Variants in IGDCC3 observed in about 807,000 individuals in gnomAD.
The protein encoded by IGDCC3 is immunoglobulin superfamily DCC subclass member 3, also known as putative neuronal cell adhesion molecule.
IGDCC3 carries 47 observed loss-of-function variants against 72.0 expected under a neutral mutation model. That is an observed-to-expected ratio of 0.65 (90% CI 0.52 to 0.83). The LOEUF is 0.83. Among genes scored for constraint, IGDCC3 ranks in the 40% least tolerant of loss-of-function variants. The pLI, the probability that IGDCC3 is intolerant of heterozygous loss-of-function variation, is 0.00. For synonymous variants in IGDCC3, 477 were observed against 472.8 expected (o/e 1.01, Z -0.11); for missense variants, 1,038 against 1,091.3 (o/e 0.95, Z 0.69).
chr15:65,369,458 GTGTC>G (rs972671267), intron 2 of IGDCC3, among the ~76,000 whole-genome samples: 10 of 152,306 alleles, frequency 6.6e-5, no homozygotes, highest in African/African-American at 2.2e-4. Flanking sequence ...GCAGGTTAAA[GTGTC>G]TGAACCCCAT....
At chr15:65,366,569 G>C (rs2091289077) in intron 2 of IGDCC3, among the ~76,000 whole-genome samples, 1 of 152,186 alleles carries the variant, frequency 6.6e-6, no homozygotes, top group Non-Finnish European at 1.5e-5. Context: ...AAAGACCAAG[G>C]AGCATGGACA....
At position 65,377,653 on chromosome 15, in the gene IGDCC3, C is replaced by T; in HGVS notation, c.103+33G>A. The T allele has an allele frequency of 7.0e-7, 1 of 1,426,736 alleles. No individual in the cohort carries two copies. Among genetic ancestry groups the T allele is most frequent in the Non-Finnish European group, 9.1e-7 (1 of 1,095,586 alleles). 88.4% of individuals were successfully genotyped at this position (1,426,736 alleles called of 1,614,324 possible). The stretch of plus-strand genomic sequence containing the variant: ...TGCTCGCCCTTCCCCTGGCTCCGTC[C>T]GCAACCGCCCGGTCCGGGGCGCTTT... On this transcript the variant is annotated intron_variant, in intron 1 of 13. Transcript: ENST00000327987. This position sits in a 1 kb window ranked among gnomAD's most constrained non-coding sequence, Gnocchi z 4.9.
chr15:65,329,163 C>G lies in IGDCC3; in HGVS notation c.2206-15G>C. Reference sequence around the variant, plus strand: ...GCAGGATCCTGCTGGGGAAAGAGCCCGTCACACAGGCGTCAGCTTGAGGGC... The same window carrying G: ...GCAGGATCCTGCTGGGGAAAGAGCCGGTCACACAGGCGTCAGCTTGAGGGC... On this transcript the variant is annotated splice_polypyrimidine_tract_variant and intron_variant, in intron 13 of 13. Coordinates refer to ENST00000327987, the MANE Select transcript of IGDCC3 (RefSeq NM_004884.4). This position sits in a 1 kb window ranked among gnomAD's most constrained non-coding sequence, Gnocchi z 4.1. 6.3e-7 allele frequency: 1 copy of G among 1,596,752 alleles called. No individual in the cohort carries two copies.
chr15:65,362,692 G>A (rs902002303), intron 2 of IGDCC3, among the ~76,000 whole-genome samples: 1 of 152,104 alleles, frequency 6.6e-6, no homozygotes, highest in Non-Finnish European at 1.5e-5. Context: ...CTGAGGCTCA[G>A]CAGTGTTCAG....
At chr15:65,352,626 G>C (rs1051440984) in intron 2 of IGDCC3, among the ~76,000 whole-genome samples, 1 of 152,176 alleles carries the variant, frequency 6.6e-6, no homozygotes, top group Non-Finnish European at 1.5e-5. Flanking sequence ...AGGTATTTGA[G>C]GGTACAAGCC....
intron 2 of IGDCC3, among the ~76,000 whole-genome samples, chr15:65,354,846 C>A (rs2091202648): frequency 1.3e-5 from 2 of 152,174 alleles, no homozygotes; most frequent in African/African-American, 2.4e-5. Flanking sequence ...TTAGGCTAGG[C>A]CCCTGGCTCT....
chr15:65,333,402 G>C lies in IGDCC3; in HGVS notation c.837C>G (p.Ile279Met), dbSNP rs141417417. The C allele has an allele frequency of 6.2e-6, 10 of 1,604,186 alleles. No individual in the cohort carries two copies. In the East Asian group the frequency reaches 2.3e-4, roughly 36 times the overall value. ...CCAGCACCTGGATGCCCTCCACCCC[G>C]ATAGGGCGACCATCTGCAGAGGAAG... ...VSWSRLDGRP[I>M]GVEGIQVLGT... Residue 279 changes from isoleucine (I) to methionine (M), a missense_variant, in exon 6 of 14, where the codon ATC becomes ATG. Transcript: ENST00000327987.
In IGDCC3 at chr15:65,329,878, C is replaced by A. The variant is rs746427014; in HGVS notation, c.1859-14G>T. ...GTGGGCTCAAGGCTGGGGACAGGGA[C>A]GGGTTGGAGGCTTTGGCTCTCCAGG... On this transcript the variant is annotated splice_polypyrimidine_tract_variant and intron_variant, in intron 11 of 13. Coordinates refer to ENST00000327987, the MANE Select transcript of IGDCC3 (RefSeq NM_004884.4). This position sits in a 1 kb window ranked among gnomAD's most constrained non-coding sequence, Gnocchi z 4.1. 1.9e-6 allele frequency: 3 copies of A among 1,613,708 alleles called. No individual in the cohort carries two copies. Among genetic ancestry groups the A allele is most frequent in the African/African-American group, 2.7e-5 (2 of 75,014 alleles).
intron 2 of IGDCC3, among the ~76,000 whole-genome samples, chr15:65,348,355 T>C (rs556184455): frequency 5.9e-5 from 9 of 152,350 alleles, no homozygotes; most frequent in Non-Finnish European, 1.0e-4. Flanking sequence ...GGGGTCTGAA[T>C]TGGGACCTCT....
Position 65,331,963 on chromosome 15 carries a change from C to A in IGDCC3, c.1126G>T (p.Val376Phe). ...TACCTGTTGTTATTCTTGAGCCTGA[C>A]GTGGCCTCCTGGCCCCAGCACCTGT... is the stretch of plus-strand genomic sequence containing the variant. Reference protein sequence around the residue: ...NGQVLGPGGHVRLKNNNSTLT... With the variant: ...NGQVLGPGGHFRLKNNNSTLT... The change falls in exon 7 of 14, where the codon GTC becomes TTC. Residue 376 changes from valine (V) to phenylalanine (F), a missense_variant. By Grantham distance (50) the Val-to-Phe change is conservative (BLOSUM62 -1). Transcript: ENST00000327987. The A allele has an allele frequency of 6.2e-7, 1 of 1,613,952 alleles. No homozygotes were observed. The highest frequency in any genetic ancestry group is 1.1e-5 in the South Asian group (1 of 91,076).
chr15:65,328,806 G>T lies in IGDCC3; in HGVS notation c.*103C>A. On this transcript the variant is annotated 3_prime_UTR_variant, in exon 14 of 14. Transcript: ENST00000327987. ...AGGCAGTCAGGATAGAAATGCTGGG[G>T]AGCCCCCAGGACCATCCAAATCCCA... The T allele has an allele frequency of 7.4e-7, 1 of 1,357,844 alleles. No individual in the cohort carries two copies. The highest frequency in any genetic ancestry group is 9.7e-7 in the Non-Finnish European group (1 of 1,032,102). 84.1% of individuals were successfully genotyped at this position (1,357,844 alleles called of 1,614,324 possible).
chr15:65,350,897 T>TA (rs1341497065), intron 2 of IGDCC3, among the ~76,000 whole-genome samples: 1 of 152,236 alleles, frequency 6.6e-6, no homozygotes, highest in Non-Finnish European at 1.5e-5. Context: ...TTATAACATG[T>TA]AATTGAAACT....
chr15:65,347,757 CCT>C (rs1217417992), intron 2 of IGDCC3, among the ~76,000 whole-genome samples: 1 of 152,212 alleles, frequency 6.6e-6, no homozygotes, highest in East Asian at 1.9e-4. Context: ...ATGGCGAAAC[CCT>C]GTCCTTACTA....
Position 65,334,883 on chromosome 15 carries a change from C to T in IGDCC3, c.686-18G>A. ...GCCCGAGCCTGGGAGGAAGACGCCA[C>T]ATATCCTCACTTCAGCTGGGGACTT... is the stretch of plus-strand genomic sequence containing the variant. On this transcript the variant is annotated intron_variant, in intron 4 of 13. Coordinates refer to ENST00000327987, the MANE Select transcript of IGDCC3 (RefSeq NM_004884.4). The T allele has an allele frequency of 6.2e-7, 1 of 1,606,034 alleles. No homozygotes were observed.
Position 65,355,656 on chromosome 15 carries a change from T to TCTCCC in IGDCC3, c.409+19440_409+19441insGGGAG. 1.9e-5 allele frequency: 4 copies of TCTCCC among 211,730 alleles called. 1 individual carries two copies. The allele number at this position is 211,730 out of a possible 1,614,324, so 13.1% of individuals were successfully genotyped here. On this transcript the variant is annotated intron_variant, in intron 2 of 13. Coordinates refer to ENST00000327987, the MANE Select transcript of IGDCC3 (RefSeq NM_004884.4). Reference sequence around the variant, plus strand: ...CGGCTAATCCCCGCCGACGCGGGCGTCCCGCCCCCCCGCCCCTCCCGCATA... The same window carrying TCTCCC: ...CGGCTAATCCCCGCCGACGCGGGCGTCTCCCCCCGCCCCCCCGCCCCTCCCGCATA...
At position 65,351,102 on chromosome 15, in the gene IGDCC3, T is replaced by C. The variant is rs545638681; in HGVS notation, c.410-15146A>G. On this transcript the variant is annotated intron_variant, in intron 2 of 13. Transcript: ENST00000327987. ...AAAATTAATTGTAAGATATTCTGTG[T>C]GTGAACATATTGGCTAAAGTTAAAG... Among the ~76,000 whole-genome samples the C allele has an allele frequency of 2.2e-3, 329 of 152,370 alleles. 2 individuals carry two copies. The highest frequency in any genetic ancestry group is 7.1e-3 in the African/African-American group (294 of 41,586).
intron 2 of IGDCC3, among the ~76,000 whole-genome samples, chr15:65,338,568 A>C (rs2091051374): frequency 7.6e-6 from 1 of 132,018 alleles, no homozygotes; most frequent in African/African-American, 2.9e-5. Flanking sequence ...CTGGCTGCAC[A>C]GGTGTGGTCC....
rs1442079534 is a variant in IGDCC3, at chr15:65,364,537, G to A, written c.409+10560C>T. 2.0e-5 allele frequency among the ~76,000 whole-genome samples: 3 copies of A among 152,096 alleles called. No homozygotes were observed. In the East Asian group the frequency reaches 5.8e-4, roughly 29 times the overall value. On this transcript the variant is annotated intron_variant, in intron 2 of 13. Coordinates refer to ENST00000327987, the MANE Select transcript of IGDCC3 (RefSeq NM_004884.4). ...CTGCAATCTGCCATGGAGGTCAGGA[G>A]CCCACATCCAAGGCTTAACAAGCCC... is the stretch of plus-strand genomic sequence containing the variant.
In IGDCC3 at chr15:65,333,295, C is replaced by T. The variant is rs1444696120; in HGVS notation, c.944G>A (p.Arg315Gln). Residue 315 changes from arginine (R) to glutamine (Q), a missense_variant, in exon 6 of 14, where the codon CGG becomes CAG. Arg to Gln is a conservative substitution (Grantham distance 43, BLOSUM62 1). Transcript: ENST00000327987. ...CCGGCCCTGTGCCGTTCTCCTCACC[C>T]GGGTGCCAGGTCTGTTGGCTGCACA... ...YVCAANRPGT[R>Q]VRRTAQGRLV... is the part of the protein sequence containing the mutation. The T allele has an allele frequency of 1.1e-5, 17 of 1,612,580 alleles. No individual in the cohort carries two copies. The highest frequency in any genetic ancestry group is 3.3e-5 in the South Asian group (3 of 90,918).
Sources: gnomAD v4.1 joint callset for allele counts (sites outside exome capture counted in the v4.1 genomes callset) on GRCh38, gnomAD v4.1.1 for gene constraint, Gnocchi (gnomAD v3.1) non-coding constraint, MANE v1.5 for transcripts, NCBI Gene and HGNC (gene_info 2026-07-23, HGNC 2026-07-21) for gene names.